The following OXR1 variants were observed in gnomAD, a reference collection of about 807,000 sequenced individuals.
OXR1 encodes the protein oxidation resistance protein 1.
A neutral mutation model predicts 104.6 loss-of-function variants in OXR1; 41 were observed. The ratio of observed to expected loss-of-function variants is 0.39; its 90% CI spans 0.31 to 0.51. The LOEUF is 0.51. Ranked by LOEUF, OXR1 falls within the 20% of genes least tolerant of loss-of-function variation. The pLI, the probability that OXR1 is intolerant of heterozygous loss-of-function variation, is 0.77. For synonymous variants in OXR1, 348 were observed against 348.4 expected (o/e 1.00, Z 0.01); for missense variants, 955 against 1,031.9 (o/e 0.93, Z 1.02).
At chr8:106,597,369 G>C (rs375885953) in intron 3 of OXR1, among the ~76,000 whole-genome samples, 6 of 152,120 alleles carry the variant, frequency 3.9e-5, no homozygotes, top group East Asian at 1.9e-4. Context: ...GAACCTGCAG[G>C]CACCTTGATC....
intron 3 of OXR1, among the ~76,000 whole-genome samples, chr8:106,674,525 A>C (rs573270478): frequency 3.3e-5 from 5 of 152,198 alleles, no homozygotes; most frequent in African/African-American, 1.2e-4. Flanking sequence ...TTAATGCTGG[A>C]GTGAATTAAG....
At position 106,697,760 on chromosome 8, in the gene OXR1, T is replaced by C; in HGVS notation, c.675+4883T>C. ...ATCTTCTCCATCTGCTTGAAGGCCA[T>C]GGTGGAGGCCTGGATCTTCTTTACT... is the stretch of plus-strand genomic sequence containing the variant. On this transcript the variant is annotated intron_variant, in intron 7 of 16. Coordinates refer to ENST00000517566, the MANE Select transcript of OXR1 (RefSeq NM_001198533.2). 2.5e-6 allele frequency: 4 copies of C among 1,613,232 alleles called. No individual in the cohort carries two copies. The South Asian group carries it at 3.3e-5, about 13-fold the overall frequency.
At chr8:106,609,099 A>G (rs1044899324) in intron 3 of OXR1, among the ~76,000 whole-genome samples, 5 of 152,026 alleles carry the variant, frequency 3.3e-5, no homozygotes, top group African/African-American at 1.2e-4. Context: ...ATCTTAGTTG[A>G]TCTTAGTAAA....
intron 1 of OXR1, among the ~76,000 whole-genome samples, chr8:106,337,732 A>C (rs7004122): frequency 0.024 from 3,695 of 152,324 alleles, 141 homozygotes; most frequent in African/African-American, 0.083. Flanking sequence ...GAAGAAAAAA[A>C]TAAAATATTT....
intron 3 of OXR1, among the ~76,000 whole-genome samples, chr8:106,570,349 A>G (rs16874860): frequency 1.5e-3 from 226 of 152,314 alleles, no homozygotes; most frequent in African/African-American, 5.3e-3. Context: ...ATAGAGCTCA[A>G]TTTGATATGA....
intron 7 of OXR1, among the ~76,000 whole-genome samples, chr8:106,698,357 G>A (rs7011510): frequency 2.6e-5 from 4 of 152,122 alleles, no homozygotes; most frequent in African/African-American, 7.2e-5. Context: ...AATTTTATTA[G>A]GATGTGCCCT....
intron 3 of OXR1, among the ~76,000 whole-genome samples, chr8:106,595,092 T>G (rs1044484249): frequency 3.3e-5 from 5 of 152,194 alleles, no homozygotes; most frequent in Admixed American, 2.6e-4. Context: ...AAAACCACAG[T>G]CTTCTTTGTG....
At chr8:106,598,254 G>A (rs928039857) in intron 3 of OXR1, among the ~76,000 whole-genome samples, 22 of 152,102 alleles carry the variant, frequency 1.4e-4, no homozygotes, top group Non-Finnish European at 3.2e-4. Flanking sequence ...GACCTTTCAA[G>A]ATGAGAGATT....
At chr8:106,691,182 A>G (rs1829238846) in intron 6 of OXR1, among the ~76,000 whole-genome samples, 1 of 152,012 alleles carries the variant, frequency 6.6e-6, no homozygotes, top group Non-Finnish European at 1.5e-5. Context: ...GAGGCTAGAT[A>G]GATAGATATA....
chr8:106,318,834 CCAG>C (rs1814092507), intron 1 of OXR1, among the ~76,000 whole-genome samples: 2 of 152,088 alleles, frequency 1.3e-5, no homozygotes, highest in South Asian at 4.2e-4. Flanking sequence ...TCATTAGAGC[CCAG>C]TATGGTAAAG....
chr8:106,684,140 G>A, intron 5 of OXR1, 106 bp from the exon 6 acceptor site: 2 of 609,450 alleles, frequency 3.3e-6, no homozygotes, highest in Non-Finnish European at 2.9e-6. Flanking sequence ...AAATTTTTAT[G>A]TTTTTCTGTT....
chr8:106,373,549 A>C (rs1287898450), intron 2 of OXR1, among the ~76,000 whole-genome samples: 4 of 152,112 alleles, frequency 2.6e-5, no homozygotes, highest in Non-Finnish European at 5.9e-5. Context: ...TCATGGTAAA[A>C]TATGGTTTCT....
chr8:106,274,512 A>G (rs557985165), intron 1 of OXR1, among the ~76,000 whole-genome samples: 23 of 151,938 alleles, frequency 1.5e-4, no homozygotes, highest in African/African-American at 5.1e-4. Flanking sequence ...AACTATTCCA[A>G]TCACCCTTAC....
At chr8:106,278,444 G>A (rs1372951227) in intron 1 of OXR1, among the ~76,000 whole-genome samples, 1 of 151,312 alleles carries the variant, frequency 6.6e-6, no homozygotes, top group Non-Finnish European at 1.5e-5. Context: ...TAAGATTTAT[G>A]TACAAACAAG....
At chr8:106,293,484 T>G (rs1812843229) in intron 1 of OXR1, among the ~76,000 whole-genome samples, 1 of 152,196 alleles carries the variant, frequency 6.6e-6, no homozygotes, top group South Asian at 2.1e-4. Context: ...GTTGCCAACA[T>G]TACTTGGAAC....
intron 2 of OXR1, among the ~76,000 whole-genome samples, chr8:106,447,440 A>T (rs1204209948): frequency 1.3e-5 from 2 of 152,178 alleles, no homozygotes; most frequent in Non-Finnish European, 2.9e-5. Flanking sequence ...CTTACTAGTT[A>T]TGTAACCGTG....
intron 3 of OXR1, among the ~76,000 whole-genome samples, chr8:106,610,477 A>G (rs1029453536): frequency 9.2e-5 from 14 of 152,152 alleles, no homozygotes; most frequent in East Asian, 1.9e-4. Context: ...CAAATCCTCA[A>G]TACAATTACA....
In OXR1 at chr8:106,273,152, C is replaced by CT. The variant is rs112308786; in HGVS notation, c.-139+2792dup. Among the ~76,000 whole-genome samples, 31 of 151,622 alleles carry CT rather than the reference C, an allele frequency of 2.0e-4. No individual in the cohort carries two copies. The South Asian group carries it at 6.2e-3, about 30-fold the overall frequency. On this transcript the variant is annotated intron_variant, in intron 1 of 16. Transcript: ENST00000517566. Reference sequence around the variant, plus strand: ...CCTTAAGTGGAAGCCTAACTGGACACTTTTTTTCTGGAGGATTGTTCCCTA... The same window carrying CT: ...CCTTAAGTGGAAGCCTAACTGGACACTTTTTTTTCTGGAGGATTGTTCCCTA...
chr8:106,651,824 G>A (rs1465222690), intron 3 of OXR1, among the ~76,000 whole-genome samples: 1 of 152,192 alleles, frequency 6.6e-6, no homozygotes, highest in East Asian at 1.9e-4. Flanking sequence ...GATAGGGAGT[G>A]TATTGCATCT....
Sources: gnomAD v4.1 joint callset for allele counts (sites outside exome capture counted in the v4.1 genomes callset) on GRCh38, gnomAD v4.1.1 for gene constraint, MANE v1.5 for transcripts, NCBI Gene and HGNC (gene_info 2026-07-23, HGNC 2026-07-21) for gene names.